The following DMXL2 variants were observed in gnomAD, a reference collection of about 807,000 sequenced individuals.
DMXL2 encodes Dmx like 2, also known as dmX-like protein 2.
Under a neutral mutation model 331.1 loss-of-function variants are expected in DMXL2, and 103 were observed. The observed-to-expected ratio is 0.31, with a 90% CI of 0.27 to 0.37. The LOEUF (loss-of-function observed/expected upper bound fraction) is 0.37, where lower values mean the gene tolerates loss of function less well. DMXL2 is among the 10% of genes least tolerant of loss of function. The pLI is 1.00. For synonymous variants in DMXL2, 1,281 were observed against 1,252.1 expected (o/e 1.02, Z -0.49); for missense variants, 3,171 against 3,642.9 (o/e 0.87, Z 3.33).
chr15:51,466,383 CATGT>C (rs1322457745), intron 29 of DMXL2, 72 bp from the exon 30 acceptor site: 44 of 491,928 alleles, frequency 8.9e-5, no homozygotes, highest in African/African-American at 4.8e-4. Context: ...TTTTATATAA[CATGT>C]ATTATATATT....
intron 13 of DMXL2, among the ~76,000 whole-genome samples, chr15:51,522,921 C>T (rs774499408): frequency 5.9e-5 from 9 of 152,224 alleles, no homozygotes; most frequent in Non-Finnish European, 1.2e-4. Flanking sequence ...TTGGCCTCAA[C>T]AGACTCCCTG....
chr15:51,591,460 CA>C (rs2052327967), intron 1 of DMXL2, among the ~76,000 whole-genome samples: 1 of 152,148 alleles, frequency 6.6e-6, no homozygotes, highest in South Asian at 2.1e-4. Flanking sequence ...GAGCCCACCT[CA>C]GTTCAAGGAG....
At chr15:51,558,415 T>G (rs1488405059) in intron 6 of DMXL2, among the ~76,000 whole-genome samples, 1 of 152,226 alleles carries the variant, frequency 6.6e-6, no homozygotes, top group African/African-American at 2.4e-5. Flanking sequence ...CAATTACTTC[T>G]CTATTTTCAT....
At chr15:51,577,463 A>G (rs2051124804) in intron 1 of DMXL2, among the ~76,000 whole-genome samples, 1 of 152,214 alleles carries the variant, frequency 6.6e-6, no homozygotes, top group South Asian at 2.1e-4. Context: ...TCACCAAAAG[A>G]AAAGCAAAGA....
chr15:51,620,807 C>CTGGT (rs1421448658), intron 1 of DMXL2, among the ~76,000 whole-genome samples: 1 of 152,214 alleles, frequency 6.6e-6, no homozygotes, highest in Admixed American at 6.5e-5. Flanking sequence ...CTCTAAGCAT[C>CTGGT]TGGTCACAAG....
chr15:51,604,442 T>C (rs1393363724), intron 1 of DMXL2, among the ~76,000 whole-genome samples: 2 of 148,574 alleles, frequency 1.3e-5, no homozygotes, highest in African/African-American at 2.5e-5. Flanking sequence ...GGTCACAGGA[T>C]ACAAAATCAG....
chr15:51,598,040 T>A (rs1015868300), intron 1 of DMXL2, among the ~76,000 whole-genome samples: 1 of 152,242 alleles, frequency 6.6e-6, no homozygotes, highest in East Asian at 1.9e-4. Flanking sequence ...AATATAGATG[T>A]TGCAATTCTT....
chr15:51,556,355 G>GAAAAAAAAAAAAAAAAAA (rs59460472), intron 6 of DMXL2, among the ~76,000 whole-genome samples: 1 of 118,980 alleles, frequency 8.4e-6, no homozygotes, highest in Non-Finnish European at 1.7e-5. Flanking sequence ...AAAAAAAAAA[G>GAAAAAAAAAAAAAAAAAA]AAAAAAAAAA....
intron 1 of DMXL2, among the ~76,000 whole-genome samples, chr15:51,605,041 C>CAAA (rs142259531): frequency 2.0e-3 from 300 of 149,870 alleles, no homozygotes; most frequent in African/African-American, 7.0e-3. Flanking sequence ...GTTCATATAT[C>CAAA]AAAAAAAAAA....
Position 51,487,972 on chromosome 15 carries a change from T to C in DMXL2, c.5199A>G (p.Ser1733=), listed in dbSNP as rs770657077. 2 of 1,609,666 alleles carry C rather than the reference T, an allele frequency of 1.2e-6. No individual in the cohort carries two copies. Among genetic ancestry groups the C allele is most frequent in the South Asian group, 1.1e-5 (1 of 90,256 alleles). The stretch of plus-strand genomic sequence containing the variant: ...TTTATACCTCTATGGCATCTTTCAA[T>C]GAACCAGCTAGCAAGAAAAAAGCAG... ...QSAAFFLLAG[S]LKDAIEVCLE... Residue 1733 remains serine (S), a synonymous_variant, in exon 22 of 44, where the codon TCA becomes TCG. Transcript: ENST00000560891.
chr15:51,467,875 T>C (rs1234345262), intron 29 of DMXL2, among the ~76,000 whole-genome samples: 4 of 151,982 alleles, frequency 2.6e-5, no homozygotes, highest in Non-Finnish European at 4.4e-5. Flanking sequence ...TACAGGCACC[T>C]GCCACCACGC....
chr15:51,457,734 A>C lies in DMXL2; in HGVS notation c.8199-268T>G. On this transcript the variant is annotated intron_variant, in intron 36 of 43. Transcript: ENST00000560891. ...ACAAAAGTTTGTTGTTATCTATGGA[A>C]AAATATTATGTTCTCTTCAAGTACA... 3 of 362,314 alleles carry C rather than the reference A, an allele frequency of 8.3e-6. No individual in the cohort carries two copies. In the South Asian group the frequency reaches 1.2e-4, roughly 14 times the overall value. 22.4% of individuals were successfully genotyped at this position (362,314 alleles called of 1,614,324 possible).
intron 20 of DMXL2, among the ~76,000 whole-genome samples, chr15:51,490,806 C>T (rs2042738535): frequency 6.6e-6 from 1 of 152,076 alleles, no homozygotes; most frequent in Non-Finnish European, 1.5e-5. Flanking sequence ...CACTTGCTGC[C>T]ACAGATATGT....
intron 1 of DMXL2, among the ~76,000 whole-genome samples, chr15:51,620,761 G>A (rs1228867474): frequency 6.6e-6 from 1 of 152,136 alleles, no homozygotes; most frequent in African/African-American, 2.4e-5. Context: ...TTCGTGAAAC[G>A]CTGAATTAGG....
At chr15:51,577,275 G>A (rs1469147426) in intron 1 of DMXL2, among the ~76,000 whole-genome samples, 1 of 152,098 alleles carries the variant, frequency 6.6e-6, no homozygotes, top group African/African-American at 2.4e-5. Context: ...GATGACATCT[G>A]AATCAGTGAC....
intron 18 of DMXL2, among the ~76,000 whole-genome samples, chr15:51,496,386 GGAACTCTCCAATAAGA>G (rs1401452805): frequency 2.0e-5 from 3 of 152,166 alleles, no homozygotes; most frequent in Non-Finnish European, 4.4e-5. Flanking sequence ...TGGCCAGGAA[GGAACTCTCCAATAAGA>G]TGACATGCCA....
chr15:51,474,401 A>G lies in DMXL2; in HGVS notation c.7156T>C (p.Phe2386Leu). 1 of 1,613,828 alleles carries G rather than the reference A, an allele frequency of 6.2e-7. No individual in the cohort carries two copies. The highest frequency in any genetic ancestry group is 8.5e-7 in the Non-Finnish European group (1 of 1,179,736). Residue 2386 changes from phenylalanine (F) to leucine (L), a missense_variant, in exon 28 of 44, where the codon TTT (phenylalanine) becomes CTT (leucine). Physicochemically the swap from Phe to Leu is conservative, Grantham distance 22. Coordinates refer to ENST00000560891, the MANE Select transcript of DMXL2 (RefSeq NM_001378457.1). ...PLNNRMWAAV[F>L]GGGVKLVVKP... ...ACAACAAGTTTTACACCGCCTCCAA[A>G]AACAGCAGCCCACATTCGATTATTT...
chr15:51,465,873 C>G (rs1220914811), intron 30 of DMXL2, among the ~76,000 whole-genome samples: 1 of 152,068 alleles, frequency 6.6e-6, no homozygotes, highest in Non-Finnish European at 1.5e-5. Flanking sequence ...AAAGATTAAC[C>G]ACATAGTCAC....
At chr15:51,572,745 C>T (rs1332662548) in intron 2 of DMXL2, among the ~76,000 whole-genome samples, 3 of 152,120 alleles carry the variant, frequency 2.0e-5, no homozygotes, top group Non-Finnish European at 2.9e-5. Flanking sequence ...GCCCTTCATG[C>T]TAAAAACTCT....
Sources: allele counts gnomAD v4.1 joint callset (sites outside exome capture counted in the v4.1 genomes callset), GRCh38; gene constraint gnomAD v4.1.1; transcripts MANE v1.5; gene names NCBI Gene and HGNC (gene_info 2026-07-23, HGNC 2026-07-21).